Variants in CNTN4 observed in about 807,000 individuals in gnomAD.
CNTN4 encodes the protein contactin 4.
Under a neutral mutation model 122.5 loss-of-function variants are expected in CNTN4, and 77 were observed. That is an observed-to-expected ratio of 0.63 (90% CI 0.52 to 0.76). The LOEUF is 0.76. Ranked by LOEUF, CNTN4 falls within the 30% of genes least tolerant of loss-of-function variation. CNTN4 has a pLI of 0.00. For synonymous variants in CNTN4, 512 were observed against 447.0 expected (o/e 1.15, Z -1.83); for missense variants, 1,256 against 1,259.1 (o/e 1.00, Z 0.04).
intron 3 of CNTN4, among the ~76,000 whole-genome samples, chr3:2,395,844 G>A (rs1481935124): frequency 6.6e-6 from 1 of 152,088 alleles, no homozygotes; most frequent in African/African-American, 2.4e-5. Flanking sequence ...TTTACCATAT[G>A]TGAAGTATTG....
chr3:2,781,783 A>G (rs7648731), intron 6 of CNTN4, among the ~76,000 whole-genome samples: 42,647 of 113,508 alleles, frequency 0.38, 8,936 homozygotes, highest in African/African-American at 0.51. Context: ...GGAGGGCAGT[A>G]GCGCGATCTC....
At chr3:2,210,471 T>A (rs1281031097) in intron 2 of CNTN4, among the ~76,000 whole-genome samples, 1 of 152,162 alleles carries the variant, frequency 6.6e-6, no homozygotes, top group Admixed American at 6.5e-5. Flanking sequence ...ACCTTCAGTC[T>A]TGGCCCCCTC....
intron 14 of CNTN4, among the ~76,000 whole-genome samples, chr3:3,001,576 A>G (rs1406487643): frequency 1.3e-5 from 2 of 152,202 alleles, no homozygotes; most frequent in Non-Finnish European, 2.9e-5. Context: ...GACAGGGGGC[A>G]TGTATTCTCT....
At chr3:2,216,257 C>T (rs898050873) in intron 2 of CNTN4, among the ~76,000 whole-genome samples, 1 of 152,122 alleles carries the variant, frequency 6.6e-6, no homozygotes, top group Non-Finnish European at 1.5e-5. Flanking sequence ...GAGCTGGAGG[C>T]TATTATCATC....
intron 6 of CNTN4, 120 bp from the exon 7 acceptor site, chr3:2,819,366 G>T: frequency 1.3e-6 from 1 of 753,952 alleles, no homozygotes; most frequent in South Asian, 1.5e-5. Context: ...GAATTCCCCC[G>T]GTATGGGTGC....
intron 13 of CNTN4, among the ~76,000 whole-genome samples, chr3:2,943,630 A>AAATATATTTATATATATATATATATT (rs2094640256): frequency 7.8e-6 from 1 of 128,264 alleles, no homozygotes; most frequent in Non-Finnish European, 1.6e-5. Flanking sequence ...ATATATATAT[A>AAATATATTTATATATATATATATATT]TTTTTTTTTT....
At chr3:2,720,044 T>G (rs2675283) in intron 4 of CNTN4, among the ~76,000 whole-genome samples, 34,056 of 151,980 alleles carry the variant, frequency 0.22, 4,414 homozygotes, top group African/African-American at 0.36. Context: ...GTGTCTATCT[T>G]CTAAGAGCTT....
intron 2 of CNTN4, among the ~76,000 whole-genome samples, chr3:2,278,902 T>G (rs1038357955): frequency 2.0e-5 from 3 of 152,016 alleles, no homozygotes; most frequent in African/African-American, 2.4e-5. Flanking sequence ...ATATTTATCT[T>G]TAGTTATTAT....
At chr3:2,109,461 T>C (rs938443847) in intron 2 of CNTN4, among the ~76,000 whole-genome samples, 9 of 152,164 alleles carry the variant, frequency 5.9e-5, no homozygotes, top group Admixed American at 3.9e-4. Flanking sequence ...GGCTGAACTT[T>C]TGTATATAAA....
intron 3 of CNTN4, among the ~76,000 whole-genome samples, chr3:2,569,026 C>G (rs1370693656): frequency 6.6e-6 from 1 of 152,150 alleles, no homozygotes; most frequent in African/African-American, 2.4e-5. Flanking sequence ...TAATAGTTTT[C>G]ATTGATCAGC....
At chr3:2,399,815 A>G (rs1354162976) in intron 3 of CNTN4, among the ~76,000 whole-genome samples, 1 of 152,102 alleles carries the variant, frequency 6.6e-6, no homozygotes, top group Non-Finnish European at 1.5e-5. Flanking sequence ...ATTTAAATGT[A>G]TATTTATATC....
chr3:2,962,306 G>T (rs75703341), intron 13 of CNTN4, among the ~76,000 whole-genome samples: 8,444 of 152,186 alleles, frequency 0.055, 336 homozygotes, highest in Non-Finnish European at 0.079. Context: ...GAAATCCCAG[G>T]TTTCCTTTCT....
At chr3:3,017,676 G>A (rs552843811) in intron 14 of CNTN4, among the ~76,000 whole-genome samples, 1 of 152,284 alleles carries the variant, frequency 6.6e-6, no homozygotes, top group African/African-American at 2.4e-5. Flanking sequence ...TTGCTATGCC[G>A]TGAAGTGCAA....
At chr3:2,175,775 C>A (rs1481993840) in intron 2 of CNTN4, among the ~76,000 whole-genome samples, 1 of 151,938 alleles carries the variant, frequency 6.6e-6, no homozygotes, top group Admixed American at 6.6e-5. Flanking sequence ...GTCACAACAC[C>A]CTAACCTGAT....
chr3:2,770,345 A>G (rs2091039556), intron 6 of CNTN4, among the ~76,000 whole-genome samples: 1 of 152,018 alleles, frequency 6.6e-6, no homozygotes, highest in Admixed American at 6.5e-5. Flanking sequence ...ATCTCTTTCT[A>G]TTTAGCTTTG....
At chr3:2,744,066 CAGCCTCCCGAAGTGCCG>C (rs1446177220) in intron 5 of CNTN4, among the ~76,000 whole-genome samples, 34 of 152,222 alleles carry the variant, frequency 2.2e-4, no homozygotes, top group Admixed American at 9.2e-4. Context: ...CTGCCTGCTT[CAGCCTCCCGAAGTGCCG>C]AGATTACAGG....
intron 3 of CNTN4, among the ~76,000 whole-genome samples, chr3:2,426,769 G>A (rs1009264373): frequency 3.3e-5 from 5 of 151,958 alleles, no homozygotes; most frequent in African/African-American, 1.2e-4. Context: ...GTCTATTCAG[G>A]GATTCAACTT....
chr3:2,269,783 GA>G (rs2041197856), intron 2 of CNTN4, among the ~76,000 whole-genome samples: 1 of 152,134 alleles, frequency 6.6e-6, no homozygotes, highest in African/African-American at 2.4e-5. Context: ...AAAAAACGAT[GA>G]AATGAAACTC....
intron 2 of CNTN4, among the ~76,000 whole-genome samples, chr3:2,328,237 CTACTAAAAA>C (rs1559456829): frequency 6.6e-6 from 1 of 151,746 alleles, no homozygotes; most frequent in African/African-American, 2.4e-5. Flanking sequence ...AACCCCGTCT[CTACTAAAAA>C]TACAAAAAAA....
Sources: gnomAD v4.1 joint callset for allele counts (sites outside exome capture counted in the v4.1 genomes callset) on GRCh38, gnomAD v4.1.1 for gene constraint, MANE v1.5 for transcripts, NCBI Gene and HGNC (gene_info 2026-07-23, HGNC 2026-07-21) for gene names.